The following WNT11 variants were observed in gnomAD, a reference collection of about 807,000 sequenced individuals.
The protein encoded by WNT11 is Wnt family member 11.
A neutral mutation model predicts 35.6 loss-of-function variants in WNT11; 20 were observed. The ratio of observed to expected loss-of-function variants is 0.56; its 90% CI spans 0.40 to 0.82. The LOEUF is 0.82. Ranked by LOEUF, WNT11 falls within the 40% of genes least tolerant of loss-of-function variation. The pLI is 0.00. For missense variants in WNT11, 459 were observed against 504.4 expected (o/e 0.91, Z 0.86); for synonymous variants, 200 against 211.9 (o/e 0.94, Z 0.49).
In WNT11 at chr11:76,194,372, G is replaced by A. The variant is rs954272421; in HGVS notation, c.597+195C>T. 2.0e-5 allele frequency among the ~76,000 whole-genome samples: 3 copies of A among 151,954 alleles called. No homozygotes were observed. Among genetic ancestry groups the A allele is most frequent in the African/African-American group, 7.3e-5 (3 of 41,376 alleles). ...AACCCAAACCCCAGTGGACGCCTTGGAGGAGGAAAGCGACACAAGCCCCAA... is the reference window on the plus strand; with the variant it reads ...AACCCAAACCCCAGTGGACGCCTTGAAGGAGGAAAGCGACACAAGCCCCAA... On this transcript the variant is annotated intron_variant, in intron 3 of 4. Transcript: ENST00000322563. The surrounding 1 kb of genome is among the most constrained non-coding windows in gnomAD (Gnocchi z 5.4).
At chr11:76,208,211 C>A (rs1055538458), upstream of WNT11, among the ~76,000 whole-genome samples, 1 of 152,260 alleles carries the variant, frequency 6.6e-6, no homozygotes, top group African/African-American at 2.4e-5. Flanking sequence ...ACCTGCGTGG[C>A]GCGTTCCTGC....
intron 1 of WNT11, 69 bp downstream of exon 1, chr11:76,206,256 G>T: frequency 7.5e-7 from 1 of 1,335,280 alleles, no homozygotes; most frequent in South Asian, 1.7e-5. Flanking sequence ...CCCCATCCAG[G>T]GGACCCCAAA....
In WNT11 at chr11:76,188,782, A is replaced by T. The variant is rs575486005; in HGVS notation, c.891-1543T>A. ...AGAGGAAAGGCCATCTAGGCCATTC[A>T]TGAAGGATAAGCAAGACTCCGCCGT... On this transcript the variant is annotated intron_variant, in intron 4 of 4. Coordinates refer to ENST00000322563, the MANE Select transcript of WNT11 (RefSeq NM_004626.3). Among the ~76,000 whole-genome samples the T allele has an allele frequency of 2.3e-3, 349 of 152,382 alleles. 4 individuals are homozygous for T. The highest frequency in any genetic ancestry group is 7.6e-3 in the African/African-American group (316 of 41,592).
chr11:76,187,110 G>A lies in WNT11; in HGVS notation c.1020C>T (p.Thr340=). 6.2e-7 allele frequency: 1 copy of A among 1,612,348 alleles called. No homozygotes were observed. The highest frequency in any genetic ancestry group is 1.1e-5 in the South Asian group (1 of 91,090). ...CCACGGTACGCTCACACCTGCGGCA[G>A]GTGACGTAGCAGCACCAGTGGTACT... The part of the protein sequence containing the change: ...HCKYHWCCYV[T]CRRCERTVER... The change falls in exon 5 of 5, where the codon ACC becomes ACT. Residue 340 remains threonine, a synonymous_variant. Coordinates refer to ENST00000322563, the MANE Select transcript of WNT11 (RefSeq NM_004626.3).
chr11:76,191,447 C>T, intron 4 of WNT11, 117 bp downstream of exon 4: 4 of 1,205,888 alleles, frequency 3.3e-6, no homozygotes, highest in Non-Finnish European at 4.7e-6. Context: ...CTCAACTGAG[C>T]AGGGTCTCCA....
chr11:76,204,833 C>T (rs1214398508), intron 1 of WNT11, among the ~76,000 whole-genome samples: 1 of 152,038 alleles, frequency 6.6e-6, no homozygotes, highest in African/African-American at 2.4e-5. Context: ...TGGCAGTGAC[C>T]CCACAGGACT....
intron 1 of WNT11, among the ~76,000 whole-genome samples, chr11:76,197,221 A>T (rs900733874): frequency 6.6e-6 from 1 of 152,242 alleles, no homozygotes; most frequent in Non-Finnish European, 1.5e-5. Context: ...GGAGTTTTCC[A>T]TCATTGTTTC....
intron 4 of WNT11, 134 bp downstream of exon 4, chr11:76,191,430 C>T: frequency 1.9e-6 from 2 of 1,070,490 alleles, no homozygotes; most frequent in Non-Finnish European, 2.7e-6. Context: ...GTCCTGGGGC[C>T]AACTCTCTCA....
At position 76,186,726 on chromosome 11, in the gene WNT11, CGGAG is replaced by C. The variant is rs1407488624; in HGVS notation, c.*335_*338del. 2.2e-5 allele frequency: 9 copies of C among 411,682 alleles called. No homozygotes were observed. The highest frequency in any genetic ancestry group is 1.0e-4 in the African/African-American group (5 of 48,960). The allele number at this position is 411,682 out of a possible 1,614,324, so 25.5% of individuals were successfully genotyped here. ...TGAAGAAGGCGGGCAGACCCCTTCC[CGGAG>C]GCTGGTCTCTGTGGCCCTGAAAGGT... On this transcript the variant is annotated 3_prime_UTR_variant, in exon 5 of 5. Coordinates refer to ENST00000322563, the MANE Select transcript of WNT11 (RefSeq NM_004626.3).
upstream of WNT11, among the ~76,000 whole-genome samples, chr11:76,209,945 C>T (rs1953536238): frequency 1.3e-5 from 2 of 151,800 alleles, no homozygotes; most frequent in African/African-American, 2.4e-5. Context: ...CGGTTCTCCC[C>T]CTCCCCCCGC....
At chr11:76,206,593 G>A (rs1020502723), upstream of WNT11, 19 of 1,170,304 alleles carry the variant, frequency 1.6e-5, no homozygotes, top group Middle Eastern at 3.4e-4. Flanking sequence ...GGGGCCCGGG[G>A]AGGCCGAGCG....
chr11:76,196,894 C>T (rs1228274709), intron 1 of WNT11, among the ~76,000 whole-genome samples, 176 bp from the exon 2 acceptor site: 1 of 152,238 alleles, frequency 6.6e-6, no homozygotes, highest in Non-Finnish European at 1.5e-5. Context: ...CAGTGGATCC[C>T]CCTCACACCC....
At chr11:76,203,357 C>A (rs1409795218) in intron 1 of WNT11, among the ~76,000 whole-genome samples, 1 of 152,238 alleles carries the variant, frequency 6.6e-6, no homozygotes, top group Admixed American at 6.5e-5. Flanking sequence ...CCTGGCCCCA[C>A]CTCCGTGGGA....
intron 4 of WNT11, among the ~76,000 whole-genome samples, chr11:76,188,813 G>T (rs1183836100): frequency 6.6e-6 from 1 of 152,248 alleles, no homozygotes; most frequent in East Asian, 1.9e-4. Flanking sequence ...GCCGTGCAGA[G>T]GAGGGAAGGA....
At chr11:76,188,855 G>T (rs77682842) in intron 4 of WNT11, among the ~76,000 whole-genome samples, 2 of 152,246 alleles carry the variant, frequency 1.3e-5, no homozygotes, top group Non-Finnish European at 1.5e-5. Context: ...CCTGGGCAAA[G>T]GCAGAAGACG....
At chr11:76,195,679 C>T (rs951133366) in intron 2 of WNT11, among the ~76,000 whole-genome samples, 2 of 152,216 alleles carry the variant, frequency 1.3e-5, no homozygotes, top group Non-Finnish European at 1.5e-5. Context: ...GCCTCAGCTG[C>T]GGGGCCCTGG....
In WNT11 at chr11:76,194,480, C is replaced by G; in HGVS notation, c.597+87G>C. 3 of 1,461,346 alleles carry G rather than the reference C, an allele frequency of 2.1e-6. No homozygotes were observed. The highest frequency in any genetic ancestry group is 1.4e-5 in the African/African-American group (1 of 70,512). 90.5% of individuals were successfully genotyped at this position (1,461,346 alleles called of 1,614,324 possible). A position where few individuals can be genotyped will look rare whatever the true frequency, so the allele number is the denominator to read the frequency against. ...CCAGTCAGGGCCCGTCCCCCCGCAC[C>G]CCCCACCACTGGGGCAAGCTGGGTG... On this transcript the variant is annotated intron_variant, in intron 3 of 4. Coordinates refer to ENST00000322563, the MANE Select transcript of WNT11 (RefSeq NM_004626.3). The surrounding 1 kb of genome is among the most constrained non-coding windows in gnomAD (Gnocchi z 5.4).
chr11:76,204,402 C>G (rs1953436563), intron 1 of WNT11, among the ~76,000 whole-genome samples: 1 of 152,196 alleles, frequency 6.6e-6, no homozygotes, highest in Non-Finnish European at 1.5e-5. Flanking sequence ...CTCCAGGTCT[C>G]CCCGCATGCG....
chr11:76,207,609 A>G (rs370470391), upstream of WNT11, among the ~76,000 whole-genome samples: 17 of 152,100 alleles, frequency 1.1e-4, no homozygotes, highest in East Asian at 3.1e-3. Flanking sequence ...CTCTTTGTAC[A>G]GTGAGGATTC....
Sources: gnomAD v4.1 joint callset for allele counts (sites outside exome capture counted in the v4.1 genomes callset) on GRCh38, gnomAD v4.1.1 for gene constraint, Gnocchi (gnomAD v3.1) non-coding constraint, MANE v1.5 for transcripts, NCBI Gene and HGNC (gene_info 2026-07-23, HGNC 2026-07-21) for gene names.